The following NBEA variants were observed in gnomAD, a reference collection of about 807,000 sequenced individuals.
NBEA encodes the protein lysosomal-trafficking regulator 2.
In NBEA, 44 loss-of-function variants were observed where a neutral mutation model predicts 343.4. The observed-to-expected ratio is 0.13, with a 90% CI of 0.10 to 0.16. The LOEUF (loss-of-function observed/expected upper bound fraction) is 0.16. NBEA is among the 10% of genes least tolerant of loss of function. The pLI is 1.00. For synonymous variants in NBEA, 1,175 were observed against 1,238.7 expected (o/e 0.95, Z 1.08); for missense variants, 2,555 against 3,631.3 (o/e 0.70, Z 7.62).
At chr13:35,443,850 T>C (rs2045862867) in intron 39 of NBEA, among the ~76,000 whole-genome samples, 1 of 151,906 alleles carries the variant, frequency 6.6e-6, no homozygotes, top group African/African-American at 2.4e-5. Flanking sequence ...TTTCTTCTCC[T>C]TTTTAAAAAA....
chr13:35,057,532 T>G (rs999684493), intron 7 of NBEA, among the ~76,000 whole-genome samples: 11 of 152,162 alleles, frequency 7.2e-5, no homozygotes, highest in Admixed American at 6.6e-4. Flanking sequence ...TGTCTGTCCC[T>G]TTATAGAAAA....
At chr13:35,418,337 G>A (rs2044065884) in intron 38 of NBEA, among the ~76,000 whole-genome samples, 1 of 151,974 alleles carries the variant, frequency 6.6e-6, no homozygotes, top group Admixed American at 6.6e-5. Flanking sequence ...AGAAGAAAAT[G>A]GCAGAAGAAT....
chr13:35,618,223 A>G (rs1378765466), intron 48 of NBEA, among the ~76,000 whole-genome samples: 1 of 152,220 alleles, frequency 6.6e-6, no homozygotes, highest in African/African-American at 2.4e-5. Context: ...ATGGATTAGT[A>G]TTCTGTACCT....
intron 39 of NBEA, among the ~76,000 whole-genome samples, chr13:35,446,177 T>C (rs1172253953): frequency 1.3e-5 from 2 of 152,142 alleles, no homozygotes; most frequent in Admixed American, 1.3e-4. Context: ...TAGTATTCCA[T>C]GGTGTATATG....
At chr13:35,550,806 T>A (rs2079283217) in intron 42 of NBEA, 124 bp from the exon 43 acceptor site, 1 of 675,814 alleles carries the variant, frequency 1.5e-6, no homozygotes, top group African/African-American at 1.8e-5. Context: ...TGAAAGCTGA[T>A]TTTTCATGAA....
At chr13:35,055,906 G>A in intron 6 of NBEA, 104 bp from the exon 7 acceptor site, 1 of 866,908 alleles carries the variant, frequency 1.2e-6, no homozygotes, top group Non-Finnish European at 1.6e-6. Flanking sequence ...ATCCTTAATA[G>A]TCCTGTCAGC....
intron 36 of NBEA, among the ~76,000 whole-genome samples, chr13:35,347,832 TCCTGAATGTGA>T (rs1323585822): frequency 6.6e-6 from 1 of 151,996 alleles, no homozygotes. Flanking sequence ...GTCTGCAGTG[TCCTGAATGTGA>T]CTTACTTTGG....
At chr13:35,241,704 T>G (rs1042710568) in intron 34 of NBEA, among the ~76,000 whole-genome samples, 3 of 151,886 alleles carry the variant, frequency 2.0e-5, no homozygotes, top group African/African-American at 4.8e-5. Context: ...ATTAGTGTTG[T>G]TAGAAAGCTA....
chr13:35,378,855 A>G (rs1469346168), intron 38 of NBEA, among the ~76,000 whole-genome samples: 1 of 151,920 alleles, frequency 6.6e-6, no homozygotes, highest in Non-Finnish European at 1.5e-5. Context: ...GCATTTATTT[A>G]TTTTGTTTAC....
chr13:35,599,408 G>A (rs1192674165), intron 47 of NBEA, among the ~76,000 whole-genome samples: 1 of 152,234 alleles, frequency 6.6e-6, no homozygotes, highest in Non-Finnish European at 1.5e-5. Context: ...AAGCCACACA[G>A]TGACAGTGGG....
At chr13:35,483,667 C>T (rs2152968277) in intron 41 of NBEA, among the ~76,000 whole-genome samples, 1 of 152,008 alleles carries the variant, frequency 6.6e-6, no homozygotes, top group African/African-American at 2.4e-5. Flanking sequence ...TTTCTTCCCC[C>T]AAGATATACA....
At chr13:35,414,626 A>G (rs1458146558) in intron 38 of NBEA, among the ~76,000 whole-genome samples, 2 of 152,260 alleles carry the variant, frequency 1.3e-5, no homozygotes, top group East Asian at 3.9e-4. Flanking sequence ...AATCCAGTCT[A>G]TCATTGATGG....
intron 9 of NBEA, 135 bp from the exon 10 acceptor site, chr13:35,070,584 T>C: frequency 1.3e-6 from 1 of 785,772 alleles, no homozygotes. Context: ...CTTATATGTG[T>C]ATAAAAATTA....
chr13:35,380,619 TATACTTTTATCTA>T (rs2041967997), intron 38 of NBEA, among the ~76,000 whole-genome samples: 2 of 152,182 alleles, frequency 1.3e-5, no homozygotes, highest in Non-Finnish European at 2.9e-5. Context: ...TTTTCCTGCA[TATACTTTTATCTA>T]ATAACCTTGC....
At chr13:35,230,548 AACTC>A (rs2074910994) in intron 33 of NBEA, among the ~76,000 whole-genome samples, 2 of 152,092 alleles carry the variant, frequency 1.3e-5, no homozygotes, top group South Asian at 2.1e-4. Flanking sequence ...CCTTTTAATA[AACTC>A]ACTCTTACCA....
intron 34 of NBEA, among the ~76,000 whole-genome samples, chr13:35,268,865 C>T (rs2033905133): frequency 2.6e-5 from 4 of 152,070 alleles, no homozygotes; most frequent in African/African-American, 9.6e-5. Flanking sequence ...GATAATGGAA[C>T]ATCTTTAAAG....
chr13:35,154,478 T>A (rs2069015880), intron 18 of NBEA, among the ~76,000 whole-genome samples: 1 of 152,218 alleles, frequency 6.6e-6, no homozygotes. Flanking sequence ...GTATTAAATA[T>A]AACCTCATAG....
intron 1 of NBEA, among the ~76,000 whole-genome samples, chr13:35,008,236 A>C (rs1387276833): frequency 6.6e-6 from 1 of 152,156 alleles, no homozygotes; most frequent in African/African-American, 2.4e-5. Flanking sequence ...AAAAGTATAC[A>C]GTTTAGTGGT....
chr13:35,142,312 C>T lies in NBEA; in HGVS notation c.2380C>T (p.Leu794Phe). The T allele has an allele frequency of 1.2e-6, 2 of 1,613,298 alleles. No individual in the cohort carries two copies. Among genetic ancestry groups the T allele is most frequent in the Non-Finnish European group, 1.7e-6 (2 of 1,179,516 alleles). The change falls in exon 18 of 59, where the codon CTT becomes TTT. Residue 794 changes from leucine to phenylalanine, a missense_variant. Leu to Phe is a conservative substitution (Grantham distance 22). Around this residue, in one of 21 missense-constraint regions of NBEA, gnomAD observed 360 missense variants for 519.1 expected, o/e 0.69. Transcript: ENST00000379939. ...IMHTHSLFTL[L>F]GERLMLHTNT... The stretch of plus-strand genomic sequence containing the variant: ...GCACACCCATAGTCTTTTCACTCTT[C>T]TTGGAGAAAGGCTGATGTTGCATAC...
Sources: gnomAD v4.1 joint callset for allele counts (sites outside exome capture counted in the v4.1 genomes callset) on GRCh38, gnomAD v4.1.1 for gene constraint, gnomAD v4.1.1 regional missense constraint, MANE v1.5 for transcripts, NCBI Gene and HGNC (gene_info 2026-07-23, HGNC 2026-07-21) for gene names.